UNC13D: variants seen among roughly 807,000 people sequenced by gnomAD.
UNC13D encodes protein unc-13 homolog D.
Under a neutral mutation model 151.7 loss-of-function variants are expected in UNC13D, and 115 were observed. That is an observed-to-expected ratio of 0.76 (90% CI 0.65 to 0.88). The LOEUF (loss-of-function observed/expected upper bound fraction) is 0.88. UNC13D is among the 40% of genes least tolerant of loss of function. The pLI is 0.00. For synonymous variants in UNC13D, 588 were observed against 612.2 expected, an observed-to-expected ratio of 0.96 and a Z score of 0.58; for missense variants, 1,369 against 1,438.7, an observed-to-expected ratio of 0.95 and a Z score of 0.78.
intron 6 of UNC13D, among the ~76,000 whole-genome samples, chr17:75,841,960 G>A (rs1451559150): frequency 6.6e-6 from 1 of 151,746 alleles, no homozygotes; most frequent in East Asian, 1.9e-4. Flanking sequence ...TGTTAGCCAG[G>A]ATGGTCTCAA....
chr17:75,830,981 C>G, intron 27 of UNC13D, 117 bp downstream of exon 27: 1 of 1,242,218 alleles, frequency 8.1e-7, no homozygotes, highest in East Asian at 2.5e-5. Context: ...AATAAGGGGC[C>G]CAGTTTTTCA....
Position 75,832,245 on chromosome 17 carries a change from C to G in UNC13D, c.2447+721G>C, listed in dbSNP as rs1410526611. On this transcript the variant is annotated intron_variant, in intron 25 of 31. Transcript: ENST00000207549. This position sits in a 1 kb window ranked among gnomAD's most constrained non-coding sequence, Gnocchi z 4.3. ...CTGCGGCCTCTTCAGGGCCCAGATTCCACAGGGAGGTGGGGCGCTGTCATC... is the reference window on the plus strand; with the variant it reads ...CTGCGGCCTCTTCAGGGCCCAGATTGCACAGGGAGGTGGGGCGCTGTCATC... 3.3e-5 allele frequency: 5 copies of G among 152,320 alleles called. No individual in the cohort carries two copies. Among genetic ancestry groups the G allele is most frequent in the Admixed American group, 6.5e-5 (1 of 15,288 alleles). 9.4% of individuals were successfully genotyped at this position (152,320 alleles called of 1,614,324 possible).
intron 19 of UNC13D, 53 bp downstream of exon 19, chr17:75,835,594 A>ACCCTC: frequency 6.2e-7 from 1 of 1,611,404 alleles, no homozygotes; most frequent in Non-Finnish European, 8.5e-7. Flanking sequence ...GGCCTCGTCC[A>ACCCTC]CCCTCCCCTC....
At chr17:75,843,677 G>A in intron 1 of UNC13D, 158 bp from the exon 2 acceptor site, 1 of 1,477,834 alleles carries the variant, frequency 6.8e-7, no homozygotes, top group Non-Finnish European at 9.0e-7. Flanking sequence ...TCCCCCAGCA[G>A]GCCTCCTGGA....
chr17:75,844,114 G>A (rs1036749520), intron 1 of UNC13D, 107 bp downstream of exon 1: 3 of 1,528,626 alleles, frequency 2.0e-6, no homozygotes, highest in Non-Finnish European at 2.7e-6. Flanking sequence ...AGGGTCGCTG[G>A]TCCCCAGTCC....
chr17:75,839,437 G>C (rs1285052925), intron 12 of UNC13D, among the ~76,000 whole-genome samples: 1 of 150,606 alleles, frequency 6.6e-6, no homozygotes, highest in Non-Finnish European at 1.5e-5. Flanking sequence ...GCAAAATGAT[G>C]ACCCTGCAGT....
rs1212071840 is a variant in UNC13D, at chr17:75,830,567, A to C, written c.2709+11T>G. 5 of 1,565,170 alleles carry C rather than the reference A, an allele frequency of 3.2e-6. No individual in the cohort carries two copies. Among genetic ancestry groups the C allele is most frequent in the Non-Finnish European group, 3.5e-6 (4 of 1,154,768 alleles). On this transcript the variant is annotated intron_variant, in intron 28 of 31. Coordinates refer to ENST00000207549, the MANE Select transcript of UNC13D (RefSeq NM_199242.3). ...GCCTGCAGAGGGCGCAGTGCGAGGG[A>C]GGGGCCTCACCTGCTGCTGGATTCG...
chr17:75,843,617 T>C, intron 1 of UNC13D, 98 bp from the exon 2 acceptor site: 1 of 1,551,910 alleles, frequency 6.4e-7, no homozygotes, highest in Non-Finnish European at 8.7e-7. Context: ...GCCAAGGGTA[T>C]GGGGGCCCCA....
At chr17:75,828,436 C>G (rs549268277) in intron 31 of UNC13D, among the ~76,000 whole-genome samples, 36 of 152,230 alleles carry the variant, frequency 2.4e-4, no homozygotes, top group Admixed American at 2.4e-3. Context: ...ATATCTGCTT[C>G]GTTGGCTGGA....
rs766863447 is a variant in UNC13D, at chr17:75,844,243, G to T, written c.95C>A (p.Pro32His). 3 of 1,612,308 alleles carry T rather than the reference G, an allele frequency of 1.9e-6. No individual in the cohort carries two copies. The South Asian group carries it at 3.3e-5, about 18-fold the overall frequency. The part of the protein sequence containing the change: ...RRRRVRDLQD[P>H]PPQMAPEIQP... The stretch of plus-strand genomic sequence containing the variant: ...TACCTCCGGGGCCATTTGGGGCGGG[G>T]GATCCTGTAGATCTCTGACTCTGCG... The change falls in exon 1 of 32, where the codon CCC becomes CAC. Residue 32 changes from proline (P) to histidine (H), a missense_variant. Coordinates refer to ENST00000207549, the MANE Select transcript of UNC13D (RefSeq NM_199242.3).
chr17:75,841,090 G>C, intron 6 of UNC13D, 89 bp from the exon 7 acceptor site: 1 of 1,306,958 alleles, frequency 7.7e-7, no homozygotes, highest in Non-Finnish European at 1.1e-6. Flanking sequence ...GAGCCATGGA[G>C]TTGTAGCCTA....
chr17:75,834,092 ACTCC>A lies in UNC13D; in HGVS notation c.2346_2349del (p.Arg782SerfsTer12), dbSNP rs764196809. On this transcript the variant is annotated frameshift_variant, in exon 24 of 32. Coordinates refer to ENST00000207549, the MANE Select transcript of UNC13D (RefSeq NM_199242.3). LOFTEE classifies it high-confidence loss of function. ...CCACTTACATCCTCAGGCAGGACAG[ACTCC>A]CTGACGCCCACCAGTTTCTGGATGT... 241 of 1,613,448 alleles carry A rather than the reference ACTCC, an allele frequency of 1.5e-4. No individual in the cohort carries two copies. Among genetic ancestry groups the A allele is most frequent in the Non-Finnish European group, 2.0e-4 (237 of 1,180,008 alleles).
chr17:75,837,657 G>A (rs1308351155), intron 12 of UNC13D, among the ~76,000 whole-genome samples: 1 of 150,508 alleles, frequency 6.6e-6, no homozygotes, highest in Non-Finnish European at 1.5e-5. Context: ...GGGAGGCTGA[G>A]ACAAGAGAAT....
chr17:75,844,244 G>A lies in UNC13D; in HGVS notation c.94C>T (p.Pro32Ser), dbSNP rs1403410014. 6.2e-7 allele frequency: 1 copy of A among 1,612,304 alleles called. No homozygotes were observed. The highest frequency in any genetic ancestry group is 2.2e-5 in the East Asian group (1 of 44,880). ...RRRRVRDLQD[P>S]PPQMAPEIQP... ...ACCTCCGGGGCCATTTGGGGCGGGG[G>A]ATCCTGTAGATCTCTGACTCTGCGG... The change falls in exon 1 of 32, where the codon CCC becomes TCC. Residue 32 changes from proline to serine, a missense_variant. By Grantham distance (74) the Pro-to-Ser change is moderately conservative. Transcript: ENST00000207549.
intron 1 of UNC13D, chr17:75,843,981 G>A (rs1210806116): frequency 2.0e-5 from 28 of 1,411,584 alleles, no homozygotes; most frequent in South Asian, 4.6e-5. Flanking sequence ...CAGGCCAACC[G>A]GGAGGGAGGG....
rs550870163 is a variant in UNC13D at position 75,827,312 on chromosome 17, G to A, written c.*653C>T. On this transcript the variant is annotated 3_prime_UTR_variant, in exon 32 of 32. Transcript: ENST00000207549. ...GGTGCTGTCCGGGGAGGGGGCGTGC[G>A]CAGCAGACACAGCAGCCAAACTGTC... 2.0e-5 allele frequency: 15 copies of A among 738,562 alleles called. No individual in the cohort carries two copies. Among genetic ancestry groups the A allele is most frequent in the Middle Eastern group, 4.2e-4 (1 of 2,368 alleles). The allele number at this position is 738,562 out of a possible 1,614,324, so 45.8% of individuals were successfully genotyped here.
intron 12 of UNC13D, among the ~76,000 whole-genome samples, chr17:75,838,578 C>T (rs1175468733): frequency 1.3e-5 from 2 of 152,162 alleles, no homozygotes; most frequent in Non-Finnish European, 2.9e-5. Flanking sequence ...CCCCTGTGCC[C>T]TCCCCGGCAT....
intron 12 of UNC13D, 88 bp from the exon 13 acceptor site, chr17:75,837,006 C>CCCTCCTCCAGGGCCCCTGGCGGAGAA: frequency 8.3e-7 from 1 of 1,211,602 alleles, no homozygotes; most frequent in Non-Finnish European, 1.2e-6. Flanking sequence ...GGAATCGCCT[C>CCCTCCTCCAGGGCCCCTGGCGGAGAA]CCATCCACCA....
Position 75,839,241 on chromosome 17 carries a change from A to G in UNC13D, c.1055+598T>C, listed in dbSNP as rs62088249. On this transcript the variant is annotated intron_variant, in intron 12 of 31. Transcript: ENST00000207549. ...AACATGGAGAAACCCCGTCTCTACT[A>G]AAAATACAAAGTTAGCTGGGCGTGG... Among the ~76,000 whole-genome samples the G allele has an allele frequency of 6.5e-3, 987 of 152,056 alleles. 34 individuals carry two copies. The highest frequency in any genetic ancestry group is 0.05 in the Admixed American group (766 of 15,270).
Sources: gnomAD v4.1 joint callset for allele counts (sites outside exome capture counted in the v4.1 genomes callset) on GRCh38, gnomAD v4.1.1 for gene constraint, Gnocchi (gnomAD v3.1) non-coding constraint, MANE v1.5 for transcripts, NCBI Gene and HGNC (gene_info 2026-07-23, HGNC 2026-07-21) for gene names.